KIAA1328: variants seen among roughly 807,000 people sequenced by gnomAD.
The protein encoded by KIAA1328 is protein hinderin.
In KIAA1328, 52 loss-of-function variants were observed where a neutral mutation model predicts 68.1. The ratio of observed to expected loss-of-function variants is 0.76; its 90% CI spans 0.61 to 0.96. The LOEUF (loss-of-function observed/expected upper bound fraction) is 0.96, where lower values mean the gene tolerates loss of function less well. Ranked by LOEUF, KIAA1328 falls within the 40% of genes least tolerant of loss-of-function variation. The pLI, the probability that KIAA1328 is intolerant of heterozygous loss-of-function variation, is 0.00. For synonymous variants in KIAA1328, 232 were observed against 239.4 expected (o/e 0.97, Z 0.28); for missense variants, 641 against 677.6 (o/e 0.95, Z 0.60).
At chr18:37,207,331 G>T (rs1019886233) in intron 9 of KIAA1328, among the ~76,000 whole-genome samples, 1 of 152,092 alleles carries the variant, frequency 6.6e-6, no homozygotes, top group South Asian at 2.1e-4. Context: ...ACCACCCCTG[G>T]TTAGGTCGTT....
chr18:37,084,413 C>A (rs2151810575), intron 7 of KIAA1328: 2 of 315,872 alleles, frequency 6.3e-6, no homozygotes, highest in Non-Finnish European at 1.1e-5. Flanking sequence ...AAAAATCATT[C>A]ATAATCCTAC....
At chr18:37,142,989 C>G (rs1271210302) in intron 7 of KIAA1328, among the ~76,000 whole-genome samples, 2 of 146,424 alleles carry the variant, frequency 1.4e-5, no homozygotes, top group Non-Finnish European at 3.0e-5. Flanking sequence ...GAGTCTTGCT[C>G]TGTCCCCCAG....
chr18:37,086,810 A>G (rs906788997), intron 7 of KIAA1328, among the ~76,000 whole-genome samples: 14 of 152,102 alleles, frequency 9.2e-5, no homozygotes, highest in African/African-American at 3.4e-4. Context: ...TTTTTATGTG[A>G]CCTATTCCCC....
At chr18:37,089,518 G>T (rs1248448787) in intron 7 of KIAA1328, among the ~76,000 whole-genome samples, 1 of 151,838 alleles carries the variant, frequency 6.6e-6, no homozygotes, top group Non-Finnish European at 1.5e-5. Context: ...GGGACTACAG[G>T]TGCACGCCGC....
At chr18:36,970,871 A>G (rs2052172951) in intron 6 of KIAA1328, among the ~76,000 whole-genome samples, 1 of 152,166 alleles carries the variant, frequency 6.6e-6, no homozygotes, top group South Asian at 2.1e-4. Flanking sequence ...AATGGCCGCA[A>G]TGCCCAAAGT....
intron 5 of KIAA1328, among the ~76,000 whole-genome samples, chr18:36,927,738 A>G (rs1445349709): frequency 6.6e-6 from 1 of 152,020 alleles, no homozygotes; most frequent in Non-Finnish European, 1.5e-5. Context: ...ACCCGGGGTG[A>G]CAGAGTGAGA....
intron 6 of KIAA1328, among the ~76,000 whole-genome samples, chr18:37,020,898 A>G (rs2054322588): frequency 6.6e-6 from 1 of 152,224 alleles, no homozygotes; most frequent in South Asian, 2.1e-4. Context: ...TCTTGTGTTA[A>G]TTTCTGCCCT....
At chr18:37,028,125 G>T (rs904927800) in intron 6 of KIAA1328, among the ~76,000 whole-genome samples, 2 of 152,146 alleles carry the variant, frequency 1.3e-5, no homozygotes, top group Admixed American at 6.6e-5. Flanking sequence ...TGTTCTCAAT[G>T]TTAGCTCCTA....
At chr18:37,130,609 T>C (rs1348713204) in intron 7 of KIAA1328, among the ~76,000 whole-genome samples, 1 of 151,652 alleles carries the variant, frequency 6.6e-6, no homozygotes, top group Non-Finnish European at 1.5e-5. Flanking sequence ...AGAGTGAGAC[T>C]CCGTCTCAAA....
chr18:36,990,900 T>C lies in KIAA1328; in HGVS notation c.576+31465T>C, dbSNP rs114081566. ...AAAAGTCACTTGTACATTTATAACA[T>C]ATTAGTAATGAGAATGGCAGCCTTT... On this transcript the variant is annotated intron_variant, in intron 6 of 9. Transcript: ENST00000280020. 6.7e-3 allele frequency among the ~76,000 whole-genome samples: 1,024 copies of C among 152,266 alleles called. 16 individuals are homozygous for C. Among genetic ancestry groups the C allele is most frequent in the African/African-American group, 0.023 (948 of 41,548 alleles).
chr18:37,056,127 A>G (rs1440392061), intron 6 of KIAA1328, among the ~76,000 whole-genome samples: 1 of 152,162 alleles, frequency 6.6e-6, no homozygotes, highest in East Asian at 1.9e-4. Context: ...TAATACTGCA[A>G]TTGTTTTTTG....
At chr18:36,861,991 C>T (rs1402967171) in intron 4 of KIAA1328, among the ~76,000 whole-genome samples, 3 of 152,020 alleles carry the variant, frequency 2.0e-5, no homozygotes, top group Non-Finnish European at 4.4e-5. Flanking sequence ...TATTCTAATC[C>T]AGGACTCACC....
chr18:37,075,838 C>A (rs1279599819), intron 7 of KIAA1328, among the ~76,000 whole-genome samples: 4 of 152,178 alleles, frequency 2.6e-5, no homozygotes, highest in Non-Finnish European at 5.9e-5. Context: ...TAAAGCAAGT[C>A]CTGAGTGACC....
chr18:37,122,136 A>T (rs1475988190), intron 7 of KIAA1328, among the ~76,000 whole-genome samples: 2 of 152,170 alleles, frequency 1.3e-5, no homozygotes, highest in Non-Finnish European at 2.9e-5. Flanking sequence ...TCTGCAATGG[A>T]GACTAATACA....
At chr18:37,096,022 G>T (rs78430994) in intron 7 of KIAA1328, among the ~76,000 whole-genome samples, 1 of 151,682 alleles carries the variant, frequency 6.6e-6, no homozygotes, top group African/African-American at 2.4e-5. Context: ...ATTAAGGCCC[G>T]AACTGGGTGG....
intron 6 of KIAA1328, among the ~76,000 whole-genome samples, chr18:37,008,720 A>G (rs2053870418): frequency 6.6e-6 from 1 of 152,216 alleles, no homozygotes; most frequent in African/African-American, 2.4e-5. Context: ...AAAAGGACTA[A>G]ATGGAAATTT....
intron 6 of KIAA1328, among the ~76,000 whole-genome samples, chr18:36,987,226 A>G (rs2052962229): frequency 1.1e-5 from 1 of 87,150 alleles, no homozygotes; most frequent in African/African-American, 3.7e-5. Context: ...TCAGTAAACT[A>G]TCGCAAGAAC....
At chr18:36,873,572 G>T (rs1294036172) in intron 4 of KIAA1328, among the ~76,000 whole-genome samples, 1 of 152,104 alleles carries the variant, frequency 6.6e-6, no homozygotes, top group East Asian at 1.9e-4. Flanking sequence ...ATGAATACCA[G>T]GAAACAGGGA....
chr18:36,874,726 CTTTTGGTGT>C (rs2048063273), intron 4 of KIAA1328, among the ~76,000 whole-genome samples: 1 of 152,124 alleles, frequency 6.6e-6, no homozygotes, highest in Non-Finnish European at 1.5e-5. Context: ...TTTGCCATTG[CTTTTGGTGT>C]TTTAGTCATG....
Sources: gnomAD v4.1 joint callset for allele counts (sites outside exome capture counted in the v4.1 genomes callset) on GRCh38, gnomAD v4.1.1 for gene constraint, MANE v1.5 for transcripts, NCBI Gene and HGNC (gene_info 2026-07-23, HGNC 2026-07-21) for gene names.